The following ZFAND3 variants were observed in gnomAD, a reference collection of about 807,000 sequenced individuals.
The protein encoded by ZFAND3 is zinc finger AN1-type containing 3.
In ZFAND3, 10 loss-of-function variants were observed where a neutral mutation model predicts 29.6. That is an observed-to-expected ratio of 0.34 (90% confidence interval 0.21 to 0.57). The LOEUF (loss-of-function observed/expected upper bound fraction) is 0.57. Ranked by LOEUF, ZFAND3 falls within the 20% of genes least tolerant of loss-of-function variation. ZFAND3 has a pLI of 0.86. For synonymous variants in ZFAND3, 128 were observed against 112.6 expected (o/e 1.14, Z -0.87); for missense variants, 230 against 304.5 (o/e 0.76, Z 1.82).
intron 2 of ZFAND3, among the ~76,000 whole-genome samples, chr6:38,018,638 T>C (rs1763291792): frequency 6.6e-6 from 1 of 152,234 alleles, no homozygotes. Flanking sequence ...CATTCTTTTA[T>C]TGTGGCTGTA....
chr6:38,054,182 A>G (rs2127461097), intron 2 of ZFAND3, among the ~76,000 whole-genome samples: 2 of 149,572 alleles, frequency 1.3e-5, no homozygotes, highest in South Asian at 4.3e-4. Flanking sequence ...GGAGTTTGAG[A>G]CCAGCTTGGG....
intron 2 of ZFAND3, among the ~76,000 whole-genome samples, chr6:37,973,328 T>TG (rs1477470297): frequency 6.6e-6 from 1 of 152,224 alleles, no homozygotes; most frequent in African/African-American, 2.4e-5. Context: ...GTGGCCTCAG[T>TG]ACCTAAACTT....
At chr6:38,134,287 C>T (rs1230787615) in intron 5 of ZFAND3, among the ~76,000 whole-genome samples, 1 of 152,162 alleles carries the variant, frequency 6.6e-6, no homozygotes, top group South Asian at 2.1e-4. Context: ...TGAAAAGTTA[C>T]CTCCTCCAAG....
intron 1 of ZFAND3, among the ~76,000 whole-genome samples, chr6:37,913,002 A>T (rs142509807): frequency 6.6e-6 from 1 of 152,344 alleles, no homozygotes; most frequent in African/African-American, 2.4e-5. Flanking sequence ...TGTCTAAAAA[A>T]TGTACATACT....
chr6:38,070,372 C>T (rs1473148402), intron 3 of ZFAND3, among the ~76,000 whole-genome samples: 4 of 149,858 alleles, frequency 2.7e-5, no homozygotes, highest in African/African-American at 4.9e-5. Context: ...TGCAGTGAGC[C>T]GAGATCACTC....
chr6:37,954,299 C>G (rs1247313843), intron 2 of ZFAND3, among the ~76,000 whole-genome samples: 1 of 151,974 alleles, frequency 6.6e-6, no homozygotes, highest in Non-Finnish European at 1.5e-5. Flanking sequence ...TTTTAAACAC[C>G]TCCCTTCCCT....
chr6:38,127,633 GAT>G (rs1160027544), intron 5 of ZFAND3, among the ~76,000 whole-genome samples: 1 of 151,792 alleles, frequency 6.6e-6, no homozygotes, highest in Non-Finnish European at 1.5e-5. Flanking sequence ...TTTGTGTGTA[GAT>G]AATAGAATCA....
chr6:37,878,023 T>G (rs1413979410), intron 1 of ZFAND3, among the ~76,000 whole-genome samples: 1 of 152,154 alleles, frequency 6.6e-6, no homozygotes, highest in African/African-American at 2.4e-5. Context: ...GAGATGATGG[T>G]GGCTAGATGG....
chr6:37,828,955 G>A (rs56391784), intron 1 of ZFAND3, among the ~76,000 whole-genome samples: 19,553 of 151,824 alleles, frequency 0.13, 2,074 homozygotes, highest in African/African-American at 0.3. Context: ...CGGCCTGGAT[G>A]GTATTATTCT....
chr6:38,026,738 T>C (rs1416534578), intron 2 of ZFAND3, among the ~76,000 whole-genome samples: 1 of 152,048 alleles, frequency 6.6e-6, no homozygotes, highest in African/African-American at 2.4e-5. Flanking sequence ...GCCAATCCAA[T>C]TTTAGGATCT....
At chr6:37,857,732 T>A (rs191836493) in intron 1 of ZFAND3, among the ~76,000 whole-genome samples, 1 of 152,340 alleles carries the variant, frequency 6.6e-6, no homozygotes, top group Non-Finnish European at 1.5e-5. Context: ...TAATATGGTC[T>A]AATCTCAACT....
At chr6:38,007,193 A>G (rs1272153628) in intron 2 of ZFAND3, among the ~76,000 whole-genome samples, 1 of 152,190 alleles carries the variant, frequency 6.6e-6, no homozygotes, top group Admixed American at 6.5e-5. Context: ...CTTTATGAAA[A>G]ACTGATATTG....
At chr6:38,098,262 T>G (rs1765021290) in intron 4 of ZFAND3, among the ~76,000 whole-genome samples, 2 of 152,164 alleles carry the variant, frequency 1.3e-5, no homozygotes, top group South Asian at 4.1e-4. Context: ...TTCTTCTGCC[T>G]CAGCCTCTGG....
intron 1 of ZFAND3, among the ~76,000 whole-genome samples, chr6:37,893,043 A>G (rs1016501633): frequency 1.3e-5 from 2 of 151,338 alleles, no homozygotes; most frequent in African/African-American, 2.4e-5. Context: ...TACCAGTTCT[A>G]CACACACACA....
chr6:38,018,396 A>G (rs1763287374), intron 2 of ZFAND3, among the ~76,000 whole-genome samples: 2 of 152,246 alleles, frequency 1.3e-5, no homozygotes, highest in South Asian at 2.1e-4. Flanking sequence ...TTTTCAAAAC[A>G]TATAACGTTT....
chr6:38,100,783 A>C (rs1233117440), intron 4 of ZFAND3, among the ~76,000 whole-genome samples: 2 of 152,220 alleles, frequency 1.3e-5, no homozygotes, highest in African/African-American at 4.8e-5. Flanking sequence ...AATGTTTCCT[A>C]AAATTCTTAG....
intron 1 of ZFAND3, among the ~76,000 whole-genome samples, chr6:37,885,460 A>G (rs1486502377): frequency 2.0e-5 from 3 of 152,172 alleles, no homozygotes; most frequent in African/African-American, 7.2e-5. Context: ...CCTGGCCAAC[A>G]TGGTGAAACC....
At chr6:37,842,131 A>G (rs1430392914) in intron 1 of ZFAND3, among the ~76,000 whole-genome samples, 1 of 152,174 alleles carries the variant, frequency 6.6e-6, no homozygotes, top group Non-Finnish European at 1.5e-5. Flanking sequence ...GTTACCTCCC[A>G]GAAGCCCCAC....
intron 1 of ZFAND3, among the ~76,000 whole-genome samples, chr6:37,848,866 A>T (rs1299507512): frequency 2.0e-5 from 3 of 152,158 alleles, no homozygotes; most frequent in East Asian, 3.8e-4. Flanking sequence ...ACAATTATAG[A>T]CAGGCATAAG....
Sources: allele counts gnomAD v4.1 joint callset (sites outside exome capture counted in the v4.1 genomes callset), GRCh38; gene constraint gnomAD v4.1.1; transcripts MANE v1.5; gene names NCBI Gene and HGNC (gene_info 2026-07-23, HGNC 2026-07-21).